The following CDH11 variants were observed in gnomAD, a reference collection of about 807,000 sequenced individuals.
CDH11 encodes the protein cadherin 11.
A neutral mutation model predicts 67.8 loss-of-function variants in CDH11; 11 were observed. The ratio of observed to expected loss-of-function variants is 0.16; its 90% CI spans 0.10 to 0.27. CDH11 has a LOEUF of 0.27. CDH11 is among the 10% of genes least tolerant of loss of function. The pLI, the probability that CDH11 is intolerant of heterozygous loss-of-function variation, is 1.00. For missense variants in CDH11, 847 were observed against 1,031.2 expected (o/e 0.82, Z 2.45); for synonymous variants, 419 against 400.0 (o/e 1.05, Z -0.57).
At chr16:65,054,179 C>T (rs1208401276) in intron 1 of CDH11, among the ~76,000 whole-genome samples, 1 of 152,188 alleles carries the variant, frequency 6.6e-6, no homozygotes, top group African/African-American at 2.4e-5. Flanking sequence ...ATGATAAAAG[C>T]AATCCTACAC....
chr16:64,991,591 CATT>C (rs935278991), intron 6 of CDH11, 174 bp downstream of exon 6: 13 of 527,194 alleles, frequency 2.5e-5, no homozygotes, highest in South Asian at 2.3e-4. Flanking sequence ...TACTCCCCGA[CATT>C]GTTGTTGTTG....
chr16:65,090,147 C>T (rs1239890543), intron 1 of CDH11, among the ~76,000 whole-genome samples: 4 of 151,746 alleles, frequency 2.6e-5, no homozygotes, highest in South Asian at 2.1e-4. Context: ...AATTCAGATA[C>T]GGAAATAAAC....
chr16:65,025,245 C>CAAATTAT (rs2073508849), intron 2 of CDH11, among the ~76,000 whole-genome samples: 1 of 152,158 alleles, frequency 6.6e-6, no homozygotes, highest in Admixed American at 6.5e-5. Flanking sequence ...AATGGGGAAA[C>CAAATTAT]CCTTTGTAAA....
intron 1 of CDH11, among the ~76,000 whole-genome samples, chr16:65,096,230 A>G (rs966002170): frequency 2.6e-5 from 4 of 152,096 alleles, no homozygotes; most frequent in Non-Finnish European, 5.9e-5. Flanking sequence ...TCTCTCCCTC[A>G]TCAGACACAG....
At chr16:65,101,810 G>T (rs1467733260) in intron 1 of CDH11, among the ~76,000 whole-genome samples, 1 of 152,170 alleles carries the variant, frequency 6.6e-6, no homozygotes, top group Non-Finnish European at 1.5e-5. Flanking sequence ...AGATCCATAA[G>T]AATAGATACT....
intron 2 of CDH11, among the ~76,000 whole-genome samples, chr16:65,046,513 T>C (rs1323684528): frequency 6.6e-6 from 1 of 152,206 alleles, no homozygotes; most frequent in African/African-American, 2.4e-5. Context: ...CATTATTGAT[T>C]TCGAGAACAT....
chr16:64,989,655 A>T (rs924187088), intron 6 of CDH11, among the ~76,000 whole-genome samples: 3 of 152,160 alleles, frequency 2.0e-5, no homozygotes, highest in Admixed American at 6.5e-5. Context: ...TGCGTAAAAT[A>T]GACCATTGTG....
intron 4 of CDH11, among the ~76,000 whole-genome samples, chr16:64,993,288 A>C (rs1321361149): frequency 6.6e-6 from 1 of 151,628 alleles, no homozygotes; most frequent in Non-Finnish European, 1.5e-5. Context: ...TTTATAGTAC[A>C]TCCTACATTG....
intron 1 of CDH11, among the ~76,000 whole-genome samples, chr16:65,064,633 T>C (rs1209001759): frequency 2.6e-5 from 4 of 152,214 alleles, no homozygotes; most frequent in African/African-American, 4.8e-5. Flanking sequence ...AACAAACCTT[T>C]TTTTAACAAA....
At chr16:65,111,445 T>C (rs1467314233) in intron 1 of CDH11, among the ~76,000 whole-genome samples, 1 of 152,146 alleles carries the variant, frequency 6.6e-6, no homozygotes, top group Admixed American at 6.5e-5. Context: ...TCATTTCTTA[T>C]GTGCACAGGG....
intron 2 of CDH11, among the ~76,000 whole-genome samples, chr16:65,033,723 T>G (rs2073693853): frequency 1.0e-5 from 1 of 95,248 alleles, no homozygotes. Context: ...GGCAACAGAG[T>G]GAGACTCCAT....
intron 1 of CDH11, chr16:65,072,324 C>T (rs1054400289): frequency 1.3e-5 from 2 of 152,378 alleles, no homozygotes; most frequent in African/African-American, 4.8e-5. Context: ...CACACAGACA[C>T]AAGCAAGAAA....
intron 3 of CDH11, among the ~76,000 whole-genome samples, chr16:65,004,137 A>G (rs1182297078): frequency 2.0e-5 from 3 of 152,144 alleles, no homozygotes; most frequent in Non-Finnish European, 4.4e-5. Flanking sequence ...GAGGCTGATG[A>G]GGGAGGATCA....
rs369701104 is a variant in CDH11 at position 64,998,596 on chromosome 16, G to T, written c.489C>A (p.Thr163=). The T allele has an allele frequency of 6.2e-7, 1 of 1,613,962 alleles. No individual in the cohort carries two copies. The highest frequency in any genetic ancestry group is 1.7e-5 in the Admixed American group (1 of 60,002). Residue 163 remains threonine, a synonymous_variant, in exon 4 of 13, where the codon ACC becomes ACA. Coordinates refer to ENST00000268603, the MANE Select transcript of CDH11 (RefSeq NM_001797.4). ...ACCTCTCAGGCACGTTGGCATGATA[G>T]GTCTCGTGCAGGAACTCCGGAGGGT... ...NDNPPEFLHE[T]YHANVPERSN...
chr16:64,998,314 C>T (rs2072826740), intron 4 of CDH11, among the ~76,000 whole-genome samples: 1 of 152,194 alleles, frequency 6.6e-6, no homozygotes, highest in Non-Finnish European at 1.5e-5. Context: ...ACAGATATTA[C>T]CAGTGTCATT....
intron 1 of CDH11, among the ~76,000 whole-genome samples, chr16:65,079,535 G>C (rs1487761699): frequency 6.6e-6 from 1 of 152,120 alleles, no homozygotes; most frequent in Non-Finnish European, 1.5e-5. Context: ...GTTCCAATCA[G>C]CATTCTGCTG....
At chr16:64,982,387 G>A in intron 7 of CDH11, 86 bp from the exon 8 acceptor site, 1 of 978,276 alleles carries the variant, frequency 1.0e-6, no homozygotes, top group Non-Finnish European at 1.6e-6. Flanking sequence ...AGGGACGAGT[G>A]AATATTCCTC....
chr16:65,122,560 A>C (rs556278427), upstream of CDH11, among the ~76,000 whole-genome samples: 19 of 152,172 alleles, frequency 1.2e-4, no homozygotes, highest in African/African-American at 4.3e-4. Context: ...AGCAATTGGG[A>C]ATTCGGGAGC....
In CDH11 at chr16:65,064,173, C is replaced by G. The variant is rs945479572; in HGVS notation, c.-297-10245G>C. 5.9e-5 allele frequency among the ~76,000 whole-genome samples: 9 copies of G among 152,242 alleles called. No individual in the cohort carries two copies. In the South Asian group the frequency reaches 1.9e-3, roughly 32 times the overall value. Reference sequence around the variant, plus strand: ...CAGAGGACCTTATCTAGGAGCCAAACCAAAGGGGCATGTCCCCCAGCAAGC... The same window carrying G: ...CAGAGGACCTTATCTAGGAGCCAAAGCAAAGGGGCATGTCCCCCAGCAAGC... On this transcript the variant is annotated intron_variant, in intron 1 of 12. Transcript: ENST00000268603.
Sources: gnomAD v4.1 joint callset for allele counts (sites outside exome capture counted in the v4.1 genomes callset) on GRCh38, gnomAD v4.1.1 for gene constraint, MANE v1.5 for transcripts, NCBI Gene and HGNC (gene_info 2026-07-23, HGNC 2026-07-21) for gene names.